Variants in PYY observed in about 807,000 individuals in gnomAD.
PYY encodes the protein peptide tyrosine tyrosine.
In PYY, 12 loss-of-function variants were observed where a neutral mutation model predicts 10.3. That is an observed-to-expected ratio of 1.17 (90% CI 0.75 to 1.89). PYY has a LOEUF of 1.89. Ranked by LOEUF, PYY falls within the 40% of genes most tolerant of loss-of-function variation. The pLI is 0.00. For missense variants in PYY, 141 were observed against 134.0 expected, an observed-to-expected ratio of 1.05 and a Z score of -0.26; for synonymous variants, 66 against 62.0, an observed-to-expected ratio of 1.06 and a Z score of -0.30.
chr17:43,953,190 C>T lies in PYY; in HGVS notation c.189-1G>A, dbSNP rs1335462932. On this transcript the variant is annotated splice_acceptor_variant, in intron 2 of 3. Coordinates refer to ENST00000692052, the MANE Select transcript of PYY (RefSeq NM_001394028.1). LOFTEE classifies it high-confidence loss of function. ...GTCCGGGCCGTCTCTTTTCCCATAC[C>T]TGGGGGCGGGGAAGGGAAGAGCGTG... 6.2e-7 allele frequency: 1 copy of T among 1,608,838 alleles called. No homozygotes were observed. The highest frequency in any genetic ancestry group is 1.3e-5 in the African/African-American group (1 of 74,670).
chr17:43,986,308 T>C (rs1332849734), intron 1 of PYY, among the ~76,000 whole-genome samples: 3 of 152,140 alleles, frequency 2.0e-5, no homozygotes, highest in Non-Finnish European at 4.4e-5. Context: ...CGTCTAGGTC[T>C]TTCTTTCCTG....
At chr17:44,002,229 G>A (rs1329644729) in intron 1 of PYY, among the ~76,000 whole-genome samples, 2 of 152,226 alleles carry the variant, frequency 1.3e-5, no homozygotes, top group African/African-American at 4.8e-5. Context: ...GTGGGGGACT[G>A]CGGGGAAGAT....
At chr17:43,964,891 A>T (rs575545669) in intron 2 of PYY, among the ~76,000 whole-genome samples, 1 of 152,362 alleles carries the variant, frequency 6.6e-6, no homozygotes, top group East Asian at 1.9e-4. Context: ...TATAGATCAA[A>T]CAAATGCTAT....
intron 2 of PYY, among the ~76,000 whole-genome samples, chr17:43,963,637 A>G (rs1429925236): frequency 3.4e-5 from 5 of 149,126 alleles, no homozygotes; most frequent in Non-Finnish European, 5.9e-5. Flanking sequence ...AGAAAGAAAG[A>G]AAAGAGAGAA....
rs145902483 is a variant in PYY at position 43,971,352 on chromosome 17, G to T, written c.-462-4820C>A. On this transcript the variant is annotated intron_variant, in intron 1 of 6. Transcript: ENST00000360085. ...TGGGAGGCCAAGGTGGGCAGATCACGTGAGATCCTGAGTTCAAGACCAGCC... is the reference window on the plus strand; with the variant it reads ...TGGGAGGCCAAGGTGGGCAGATCACTTGAGATCCTGAGTTCAAGACCAGCC... Among the ~76,000 whole-genome samples the T allele has an allele frequency of 4.2e-3, 638 of 152,170 alleles. 3 individuals carry two copies. The highest frequency in any genetic ancestry group is 0.014 in the African/African-American group (595 of 41,512).
At chr17:43,972,416 T>C (rs2048800798) in intron 1 of PYY, among the ~76,000 whole-genome samples, 1 of 152,104 alleles carries the variant, frequency 6.6e-6, no homozygotes, top group African/African-American at 2.4e-5. Context: ...GATTTCACCA[T>C]GTTGGGCCAG....
At chr17:43,997,845 A>G (rs1179402990) in intron 1 of PYY, among the ~76,000 whole-genome samples, 1 of 152,038 alleles carries the variant, frequency 6.6e-6, no homozygotes, top group African/African-American at 2.4e-5. Flanking sequence ...GTGGGAAAAC[A>G]TTGGATATTG....
At chr17:44,000,348 GC>G (rs947696170) in intron 1 of PYY, among the ~76,000 whole-genome samples, 2 of 152,166 alleles carry the variant, frequency 1.3e-5, no homozygotes, top group Admixed American at 6.6e-5. Context: ...CCCTGTGTCT[GC>G]CTTTGGTTGG....
At chr17:43,989,161 T>G (rs937285805) in intron 1 of PYY, among the ~76,000 whole-genome samples, 1 of 151,624 alleles carries the variant, frequency 6.6e-6, no homozygotes, top group Non-Finnish European at 1.5e-5. Context: ...GATCACGAGG[T>G]CAGGAGATCA....
At chr17:43,956,749 T>C (rs1156794531), upstream of PYY, among the ~76,000 whole-genome samples, 1 of 152,122 alleles carries the variant, frequency 6.6e-6, no homozygotes, top group Admixed American at 6.5e-5. Flanking sequence ...CCCAGAGGCT[T>C]AGAATTCTGT....
chr17:43,987,546 T>A lies in PYY; in HGVS notation c.-463+16845A>T, dbSNP rs908694576. Among the ~76,000 whole-genome samples, 4 of 152,220 alleles carry A rather than the reference T, an allele frequency of 2.6e-5. No homozygotes were observed. Among genetic ancestry groups the A allele is most frequent in the African/African-American group, 9.7e-5 (4 of 41,446 alleles). On this transcript the variant is annotated intron_variant, in intron 1 of 6. Coordinates refer to the PYY transcript ENST00000360085. The surrounding 1 kb of genome is among the most constrained non-coding windows in gnomAD (Gnocchi z 4.0). Reference sequence around the variant, plus strand: ...GGGGTTCTGAATCCTCAGTCCCCCATCCAGCAATCTGTCTCCAGGTCTTGG... The same window carrying A: ...GGGGTTCTGAATCCTCAGTCCCCCAACCAGCAATCTGTCTCCAGGTCTTGG...
chr17:43,989,873 TATATATATATATATATATATATATATAC>T (rs1372722267), intron 1 of PYY, among the ~76,000 whole-genome samples: 334 of 1,480 alleles, frequency 0.23, 139 homozygotes, highest in African/African-American at 0.26. Flanking sequence ...TATATATATA[TATATATATATATATATATATATATATAC>T]ACACAAATCT....
chr17:43,993,994 C>T (rs1254217323), intron 1 of PYY, among the ~76,000 whole-genome samples: 1 of 152,078 alleles, frequency 6.6e-6, no homozygotes, highest in African/African-American at 2.4e-5. Context: ...GCTGGGACTA[C>T]AGGCATGCGT....
chr17:44,001,855 G>A (rs923703268), intron 1 of PYY, among the ~76,000 whole-genome samples: 12 of 152,178 alleles, frequency 7.9e-5, no homozygotes, highest in African/African-American at 2.4e-4. Context: ...AGTGGAGAGG[G>A]GTCAGCAGGG....
intron 1 of PYY, among the ~76,000 whole-genome samples, chr17:43,977,591 G>A (rs950151031): frequency 3.3e-5 from 5 of 151,990 alleles, no homozygotes; most frequent in African/African-American, 1.2e-4. Context: ...ATGCCCCTTT[G>A]TCCCTCTGTC....
intron 1 of PYY, among the ~76,000 whole-genome samples, chr17:44,003,277 C>T (rs1324702189): frequency 1.3e-5 from 2 of 152,120 alleles, no homozygotes; most frequent in Non-Finnish European, 2.9e-5. Flanking sequence ...AAATGACCCA[C>T]CCGCCTCCTC....
intron 1 of PYY, among the ~76,000 whole-genome samples, chr17:43,983,066 T>C (rs1302593351): frequency 6.6e-6 from 1 of 151,996 alleles, no homozygotes; most frequent in African/African-American, 2.4e-5. Flanking sequence ...ACCCCGTCTC[T>C]ACTAAAAATA....
chr17:43,992,129 A>AC (rs1164326178), intron 1 of PYY, among the ~76,000 whole-genome samples: 1 of 151,612 alleles, frequency 6.6e-6, no homozygotes, highest in African/African-American at 2.4e-5. Flanking sequence ...CAAAGAAAAA[A>AC]AAAAAAAAAA....
At chr17:44,003,063 G>T (rs938544004) in intron 1 of PYY, among the ~76,000 whole-genome samples, 1 of 151,808 alleles carries the variant, frequency 6.6e-6, no homozygotes, top group East Asian at 1.9e-4. Context: ...TTTGAGACAG[G>T]GTCTCATTCT....
Sources: gnomAD v4.1 joint callset for allele counts (sites outside exome capture counted in the v4.1 genomes callset) on GRCh38, gnomAD v4.1.1 for gene constraint, Gnocchi (gnomAD v3.1) non-coding constraint, MANE v1.5 for transcripts, NCBI Gene and HGNC (gene_info 2026-07-23, HGNC 2026-07-21) for gene names.